The following DCBLD2 variants were observed in gnomAD, a reference collection of about 807,000 sequenced individuals.
DCBLD2 encodes discoidin, CUB and LCCL domain containing 2.
A neutral mutation model predicts 86.8 loss-of-function variants in DCBLD2; 54 were observed. That is an observed-to-expected ratio of 0.62 (90% confidence interval 0.50 to 0.78). DCBLD2 has a LOEUF of 0.78. Among genes scored for constraint, DCBLD2 ranks in the 30% least tolerant of loss-of-function variants. DCBLD2 has a pLI of 0.00. For missense variants in DCBLD2, 908 were observed against 954.2 expected, an observed-to-expected ratio of 0.95 and a Z score of 0.64; for synonymous variants, 354 against 341.3, an observed-to-expected ratio of 1.04 and a Z score of -0.41.
rs1163690667 is a variant in DCBLD2, at chr3:98,807,660, A to G, written c.1670+421T>C. Among the ~76,000 whole-genome samples the G allele has an allele frequency of 2.6e-5, 4 of 152,296 alleles. No homozygotes were observed. In the East Asian group the frequency reaches 5.8e-4, roughly 22 times the overall value. Reference sequence around the variant, plus strand: ...GCCAACTACAATTCCTTTAAGGCAAAGCAAGCCAAACTTGAGGAGTCCCCT... The same window carrying G: ...GCCAACTACAATTCCTTTAAGGCAAGGCAAGCCAAACTTGAGGAGTCCCCT... On this transcript the variant is annotated intron_variant, in intron 13 of 15. Coordinates refer to ENST00000326840, the MANE Select transcript of DCBLD2 (RefSeq NM_080927.4).
chr3:98,811,492 T>C lies in DCBLD2; in HGVS notation c.1426A>G (p.Thr476Ala). Residue 476 changes from threonine (T) to alanine (A), a missense_variant, in exon 11 of 16, where the codon ACA (threonine) becomes GCA (alanine). Around this residue, in one of 3 missense-constraint regions of DCBLD2, gnomAD observed 606 missense variants for 678.5 expected, o/e 0.89. Transcript: ENST00000326840. ...CCTTTGGCTATTTTTGGAGGGGCTG[T>C]AGTGTTTTTGAGGTCATTGCTGTTC... is the stretch of plus-strand genomic sequence containing the variant. ...PRNSNDLKNT[T>A]APPKIAKGRA... 1 of 1,613,576 alleles carries C rather than the reference T, an allele frequency of 6.2e-7. No individual in the cohort carries two copies. Among genetic ancestry groups the C allele is most frequent in the Non-Finnish European group, 8.5e-7 (1 of 1,179,640 alleles).
Position 98,811,519 on chromosome 3 carries a change from G to A in DCBLD2, c.1399C>T (p.Arg467Trp), listed in dbSNP as rs763960722. 16 of 1,603,930 alleles carry A rather than the reference G, an allele frequency of 1.0e-5. No homozygotes were observed. Among genetic ancestry groups the A allele is most frequent in the Non-Finnish European group, 1.2e-5 (14 of 1,175,898 alleles). The part of the protein sequence containing the change: ...PPKLTQPPPP[R>W]NSNDLKNTTA... Reference sequence around the variant, plus strand: ...GTGTTTTTGAGGTCATTGCTGTTCCGAGGAGGTGGAGGTTGAGTAAGTTTT... The same window carrying A: ...GTGTTTTTGAGGTCATTGCTGTTCCAAGGAGGTGGAGGTTGAGTAAGTTTT... The change falls in exon 11 of 16, where the codon CGG (arginine) becomes TGG (tryptophan). Residue 467 changes from arginine (R) to tryptophan (W), a missense_variant. By Grantham distance (101) the Arg-to-Trp change is moderately radical. Around this residue, in one of 3 missense-constraint regions of DCBLD2, gnomAD observed 606 missense variants for 678.5 expected, o/e 0.89. Coordinates refer to ENST00000326840, the MANE Select transcript of DCBLD2 (RefSeq NM_080927.4).
At chr3:98,849,671 A>G (rs1269840240) in intron 2 of DCBLD2, 73 bp from the exon 3 acceptor site, 17 of 1,505,814 alleles carry the variant, frequency 1.1e-5, no homozygotes, top group African/African-American at 2.8e-5. Context: ...TGTAGATAAC[A>G]GAAGCAGAAT....
At chr3:98,811,677 CAGAG>C (rs1435717524) in intron 10 of DCBLD2, 123 bp from the exon 11 acceptor site, 4 of 922,446 alleles carry the variant, frequency 4.3e-6, no homozygotes, top group African/African-American at 3.4e-5. Flanking sequence ...TTTTAACTCT[CAGAG>C]AGAAATATAT....
chr3:98,884,788 T>G (rs1369003251), intron 1 of DCBLD2, among the ~76,000 whole-genome samples: 6 of 152,070 alleles, frequency 3.9e-5, no homozygotes, highest in African/African-American at 1.4e-4. Context: ...TGTAGATGAA[T>G]TTCAGAAACT....
intron 3 of DCBLD2, among the ~76,000 whole-genome samples, chr3:98,843,554 C>G (rs1031488863): frequency 6.6e-6 from 1 of 152,106 alleles, no homozygotes; most frequent in South Asian, 2.1e-4. Flanking sequence ...ATTATCTAGT[C>G]AGCCCTACGT....
Position 98,881,688 on chromosome 3 carries a change from G to A in DCBLD2, c.285C>T (p.Asn95=). 6.2e-7 allele frequency: 1 copy of A among 1,613,928 alleles called. No individual in the cohort carries two copies. The highest frequency in any genetic ancestry group is 8.5e-7 in the Non-Finnish European group (1 of 1,179,864). ...TSINYPQTYP[N]STVCEWEIRV... is the part of the protein sequence containing the mutation. ...GGATCTCCCATTCACAAACAGTGCT[G>A]TTGGGATAGGTCTGTGGGTAGTTTA... The change falls in exon 2 of 16, where the codon AAC becomes AAT. Residue 95 remains asparagine (N), a synonymous_variant. Coordinates refer to ENST00000326840, the MANE Select transcript of DCBLD2 (RefSeq NM_080927.4).
At chr3:98,899,442 G>C (rs942350052) in intron 1 of DCBLD2, among the ~76,000 whole-genome samples, 2 of 151,884 alleles carry the variant, frequency 1.3e-5, no homozygotes, top group African/African-American at 4.8e-5. Context: ...AGGAGAGACG[G>C]GGTTTCACCA....
intron 2 of DCBLD2, among the ~76,000 whole-genome samples, chr3:98,879,204 A>G (rs1413055343): frequency 6.6e-6 from 1 of 152,220 alleles, no homozygotes; most frequent in Non-Finnish European, 1.5e-5. Context: ...CAGCTTCACT[A>G]ATGTGCCCTT....
chr3:98,879,431 G>C (rs1324928114), intron 2 of DCBLD2, among the ~76,000 whole-genome samples: 1 of 152,030 alleles, frequency 6.6e-6, no homozygotes, highest in Non-Finnish European at 1.5e-5. Flanking sequence ...CTGTCACCCA[G>C]GCTGGAGTGC....
intron 12 of DCBLD2, among the ~76,000 whole-genome samples, chr3:98,810,170 A>G (rs1411300383): frequency 6.6e-6 from 1 of 152,176 alleles, no homozygotes; most frequent in African/African-American, 2.4e-5. Flanking sequence ...GATGAGCAAC[A>G]CTTTTCAGTG....
chr3:98,833,988 C>A (rs1942372412), intron 3 of DCBLD2, among the ~76,000 whole-genome samples: 1 of 152,152 alleles, frequency 6.6e-6, no homozygotes, highest in Non-Finnish European at 1.5e-5. Flanking sequence ...CATGACTACT[C>A]CAGTAAACTA....
intron 2 of DCBLD2, among the ~76,000 whole-genome samples, chr3:98,877,158 C>A (rs1394542532): frequency 1.3e-5 from 2 of 151,360 alleles, no homozygotes; most frequent in Non-Finnish European, 2.9e-5. Context: ...ACATATTCAA[C>A]AAAAGAGAAA....
chr3:98,891,211 GGAGGGAGAGA>G (rs1370213088), intron 1 of DCBLD2, among the ~76,000 whole-genome samples: 1 of 150,446 alleles, frequency 6.6e-6, no homozygotes, highest in Non-Finnish European at 1.5e-5. Context: ...AGAGGGAGAG[GGAGGGAGAGA>G]GAGAGAGAGA....
chr3:98,858,090 G>A (rs921441552), intron 2 of DCBLD2, among the ~76,000 whole-genome samples: 5 of 152,230 alleles, frequency 3.3e-5, no homozygotes, highest in African/African-American at 4.8e-5. Flanking sequence ...CAGGCATGGC[G>A]GGCTGCAGGT....
intron 1 of DCBLD2, among the ~76,000 whole-genome samples, chr3:98,892,562 G>A (rs988426699): frequency 1.3e-5 from 2 of 152,170 alleles, no homozygotes; most frequent in East Asian, 1.9e-4. Context: ...GTAAGCCTTC[G>A]GGATTGCCAG....
At chr3:98,800,766 T>C (rs769759286) in intron 14 of DCBLD2, 50 bp from the exon 15 acceptor site, 2 of 1,612,202 alleles carry the variant, frequency 1.2e-6, no homozygotes, top group Admixed American at 3.3e-5. Context: ...AACCTGTATC[T>C]CAAACAGTAG....
At chr3:98,853,694 A>C (rs1942879515) in intron 2 of DCBLD2, among the ~76,000 whole-genome samples, 1 of 152,228 alleles carries the variant, frequency 6.6e-6, no homozygotes, top group Admixed American at 6.5e-5. Context: ...TGTATTCAAA[A>C]GAGGGGAGAT....
Position 98,881,786 on chromosome 3 carries a change from GAA to G in DCBLD2, c.206-21_206-20del, listed in dbSNP as rs1943475501. ...CCATCACCTTTAAAAAAAGTGAAAA[GAA>G]TGATAAATTATTCTCACATATTTTA... On this transcript the variant is annotated intron_variant, in intron 1 of 15. Transcript: ENST00000326840. 6.3e-7 allele frequency: 1 copy of G among 1,576,138 alleles called. No individual in the cohort carries two copies. Among genetic ancestry groups the G allele is most frequent in the African/African-American group, 1.3e-5 (1 of 74,158 alleles).
Sources: gnomAD v4.1 joint callset for allele counts (sites outside exome capture counted in the v4.1 genomes callset) on GRCh38, gnomAD v4.1.1 for gene constraint, gnomAD v4.1.1 regional missense constraint, MANE v1.5 for transcripts, NCBI Gene and HGNC (gene_info 2026-07-23, HGNC 2026-07-21) for gene names.